The following MLIP variants were observed in gnomAD, a reference collection of about 807,000 sequenced individuals.
MLIP encodes the protein muscular LMNA-interacting protein.
Under a neutral mutation model 84.8 loss-of-function variants are expected in MLIP, and 79 were observed. That is an observed-to-expected ratio of 0.93 (90% CI 0.78 to 1.12). The LOEUF (loss-of-function observed/expected upper bound fraction) is 1.12, where lower values mean the gene tolerates loss of function less well. MLIP is among the 50% of genes most tolerant of loss of function. The pLI is 0.00. For missense variants in MLIP, 1,257 were observed against 1,160.6 expected (o/e 1.08, Z -1.21); for synonymous variants, 504 against 463.0 (o/e 1.09, Z -1.14).
intron 9 of MLIP, among the ~76,000 whole-genome samples, chr6:54,175,305 G>T (rs1776174060): frequency 6.6e-6 from 1 of 151,916 alleles, no homozygotes; most frequent in African/African-American, 2.4e-5. Flanking sequence ...ATTTTGATAG[G>T]AATTGCTTTG....
intron 1 of MLIP, among the ~76,000 whole-genome samples, chr6:54,074,385 A>G (rs946437585): frequency 4.0e-5 from 6 of 151,580 alleles, no homozygotes; most frequent in African/African-American, 1.5e-4. Context: ...TTTTCTTGAG[A>G]AAAAATAAAA....
At chr6:54,031,174 T>C (rs918004881) in intron 1 of MLIP, among the ~76,000 whole-genome samples, 1 of 152,062 alleles carries the variant, frequency 6.6e-6, no homozygotes. Flanking sequence ...GGTTAAACTG[T>C]ATTTTTCAGT....
At chr6:54,116,182 G>GCAGTT (rs1769904630) in intron 1 of MLIP, among the ~76,000 whole-genome samples, 1 of 152,114 alleles carries the variant, frequency 6.6e-6, no homozygotes, top group Non-Finnish European at 1.5e-5. Flanking sequence ...TAAAAGGGTG[G>GCAGTT]CAGGGATTGA....
At chr6:54,032,126 G>C (rs1465408039) in intron 1 of MLIP, among the ~76,000 whole-genome samples, 1 of 152,080 alleles carries the variant, frequency 6.6e-6, no homozygotes, top group Non-Finnish European at 1.5e-5. Flanking sequence ...TATGTTTGAT[G>C]ATTAATTTGG....
At chr6:54,093,329 A>ATTCTATTCTATTCT (rs1767981818) in intron 1 of MLIP, among the ~76,000 whole-genome samples, 4 of 133,964 alleles carry the variant, frequency 3.0e-5, no homozygotes, top group South Asian at 2.7e-4. Flanking sequence ...TTTTCGATTA[A>ATTCTATTCTATTCT]ATTCTATTCT....
At chr6:54,146,137 A>G (rs1435888047) in intron 4 of MLIP, among the ~76,000 whole-genome samples, 1 of 152,192 alleles carries the variant, frequency 6.6e-6, no homozygotes, top group African/African-American at 2.4e-5. Flanking sequence ...AATGTTTTGA[A>G]AAAAGATGAA....
At chr6:54,160,252 T>A (rs1271173570) in intron 5 of MLIP, 115 bp from the exon 6 acceptor site, 3 of 780,070 alleles carry the variant, frequency 3.8e-6, no homozygotes, top group Non-Finnish European at 6.2e-6. Flanking sequence ...CATCAAATAC[T>A]GTAAATATTT....
At chr6:54,136,651 A>C in intron 3 of MLIP, 64 bp from the exon 4 acceptor site, 1 of 1,350,608 alleles carries the variant, frequency 7.4e-7, no homozygotes, top group Non-Finnish European at 9.7e-7. Flanking sequence ...ACAAGTGACA[A>C]GAATATTTTG....
At chr6:54,248,048 G>T (rs191631763) in intron 12 of MLIP, among the ~76,000 whole-genome samples, 23 of 152,184 alleles carry the variant, frequency 1.5e-4, no homozygotes, top group African/African-American at 5.3e-4. Context: ...TGGGATTAAC[G>T]CAGGGGCAGG....
intron 13 of MLIP, among the ~76,000 whole-genome samples, chr6:54,261,131 G>A (rs562098726): frequency 8.3e-4 from 126 of 152,142 alleles, no homozygotes; most frequent in African/African-American, 2.9e-3. Context: ...TCTGAGTTGA[G>A]TTACTTAGGA....
intron 5 of MLIP, among the ~76,000 whole-genome samples, chr6:54,149,957 GTATT>G (rs1478638444): frequency 6.6e-6 from 1 of 152,006 alleles, no homozygotes; most frequent in African/African-American, 2.4e-5. Flanking sequence ...TTATGATTAT[GTATT>G]TAGTCAATTT....
intron 11 of MLIP, among the ~76,000 whole-genome samples, chr6:54,224,443 C>T (rs986633799): frequency 6.6e-6 from 1 of 151,612 alleles, no homozygotes; most frequent in Non-Finnish European, 1.5e-5. Context: ...TGAAAAGTTA[C>T]CCTCAAAAAG....
At chr6:54,112,345 T>G (rs1014974197) in intron 1 of MLIP, among the ~76,000 whole-genome samples, 1 of 152,238 alleles carries the variant, frequency 6.6e-6, no homozygotes, top group Non-Finnish European at 1.5e-5. Context: ...TTTATCTGAA[T>G]GTTGCATTGC....
At chr6:54,195,955 G>T (rs979281948) in intron 10 of MLIP, among the ~76,000 whole-genome samples, 19 of 152,218 alleles carry the variant, frequency 1.2e-4, no homozygotes, top group African/African-American at 4.6e-4. Flanking sequence ...AGTCCCTAAA[G>T]AAGTGGCCTC....
chr6:54,022,944 G>A (rs1374792650), intron 1 of MLIP, among the ~76,000 whole-genome samples: 1 of 152,008 alleles, frequency 6.6e-6, no homozygotes, highest in African/African-American at 2.4e-5. Flanking sequence ...GAGGTGGGCG[G>A]ATCACGAGGT....
At chr6:54,227,211 C>G (rs55689719) in intron 11 of MLIP, among the ~76,000 whole-genome samples, 17,534 of 152,168 alleles carry the variant, frequency 0.12, 1,317 homozygotes, top group East Asian at 0.2. Flanking sequence ...CCCACCCATG[C>G]TTCTTGTACA....
chr6:54,086,462 A>C (rs899804547), intron 1 of MLIP, among the ~76,000 whole-genome samples: 1 of 151,238 alleles, frequency 6.6e-6, no homozygotes. Context: ...CTGCAAGGAA[A>C]CCTCCTTCAT....
chr6:54,180,515 A>T (rs1176048527), intron 9 of MLIP, among the ~76,000 whole-genome samples: 4 of 151,934 alleles, frequency 2.6e-5, no homozygotes, highest in Non-Finnish European at 5.9e-5. Context: ...GGTGTGCTTC[A>T]TTGTTTTTTA....
At chr6:54,127,595 A>G (rs973920150) in intron 3 of MLIP, among the ~76,000 whole-genome samples, 1 of 152,072 alleles carries the variant, frequency 6.6e-6, no homozygotes, top group African/African-American at 2.4e-5. Flanking sequence ...TACATGTCTT[A>G]TCTCCCCTAA....
Sources: allele counts gnomAD v4.1 joint callset (sites outside exome capture counted in the v4.1 genomes callset), GRCh38; gene constraint gnomAD v4.1.1; transcripts MANE v1.5; gene names NCBI Gene and HGNC (gene_info 2026-07-23, HGNC 2026-07-21).